Variants in ZNF48 observed in about 807,000 individuals in gnomAD.
The protein encoded by ZNF48 is zinc finger protein 48.
In ZNF48, 20 loss-of-function variants were observed where a neutral mutation model predicts 40.0. That is an observed-to-expected ratio of 0.50 (90% CI 0.35 to 0.73). The LOEUF (loss-of-function observed/expected upper bound fraction) is 0.73, where lower values mean the gene tolerates loss of function less well. ZNF48 is among the 30% of genes least tolerant of loss of function. ZNF48 has a pLI of 0.01. For synonymous variants in ZNF48, 298 were observed against 329.7 expected (o/e 0.90, Z 1.04); for missense variants, 726 against 851.9 (o/e 0.85, Z 1.84).
At chr16:30,387,539 G>C (rs983839185) in intron 1 of ZNF48, among the ~76,000 whole-genome samples, 2 of 149,624 alleles carry the variant, frequency 1.3e-5, no homozygotes, top group African/African-American at 4.9e-5. Flanking sequence ...TGGGGGACAA[G>C]AGTGAGACTT....
In ZNF48 at chr16:30,381,402, C is replaced by T. The variant is rs747998291; in HGVS notation, c.-16+2992C>T. ...GACTCGGGAGTCCTGGATGTTCTTC[C>T]GGTTCAGGCCACTCTCATCCCTAAG... On this transcript the variant is annotated intron_variant, in intron 1 of 2. Coordinates refer to the ZNF48 transcript ENST00000528032. The surrounding 1 kb of genome is among the most constrained non-coding windows in gnomAD (Gnocchi z 4.3). 3 of 1,613,794 alleles carry T rather than the reference C, an allele frequency of 1.9e-6. No homozygotes were observed. Among genetic ancestry groups the T allele is most frequent in the Non-Finnish European group, 2.5e-6 (3 of 1,179,922 alleles).
upstream of ZNF48, among the ~76,000 whole-genome samples, chr16:30,393,872 T>G (rs891397435): frequency 6.6e-6 from 1 of 152,054 alleles, no homozygotes; most frequent in Non-Finnish European, 1.5e-5. Flanking sequence ...TGTGCTACCA[T>G]GCGCTGCTAA....
At chr16:30,383,729 A>C (rs1025735752) in intron 1 of ZNF48, among the ~76,000 whole-genome samples, 5 of 152,188 alleles carry the variant, frequency 3.3e-5, no homozygotes, top group Non-Finnish European at 7.3e-5. Flanking sequence ...CCTGACTGCC[A>C]AAGCCTCCCT....
intron 1 of ZNF48, among the ~76,000 whole-genome samples, chr16:30,386,241 T>C (rs1297653802): frequency 6.6e-6 from 1 of 152,104 alleles, no homozygotes; most frequent in Middle Eastern, 3.2e-3. Context: ...GTGGTGTCAC[T>C]ACACTTTAGC....
At chr16:30,391,298 T>C (rs2049940976), upstream of ZNF48, among the ~76,000 whole-genome samples, 1 of 152,048 alleles carries the variant, frequency 6.6e-6, no homozygotes, top group South Asian at 2.1e-4. Context: ...CAAATGATTC[T>C]CCTGCCTCAG....
At position 30,398,695 on chromosome 16, in the gene ZNF48, C is replaced by G; in HGVS notation, c.1445C>G (p.Pro482Arg). 1.2e-6 allele frequency: 2 copies of G among 1,613,722 alleles called. No individual in the cohort carries two copies. The highest frequency in any genetic ancestry group is 1.7e-6 in the Non-Finnish European group (2 of 1,179,918). ...ACAGGGGAGAAACCCTACCTCTGTC[C>G]TGAATGCGGCAAGGGTTTTGCTGAC... ...VHTGEKPYLC[P>R]ECGKGFADSS... Residue 482 changes from proline (P) to arginine (R), a missense_variant, in exon 3 of 3, where the codon CCT becomes CGT. Physicochemically the swap from Pro to Arg is moderately radical, Grantham distance 103 (BLOSUM62 -2). Transcript: ENST00000613509. This position sits in a 1 kb window ranked among gnomAD's most constrained non-coding sequence, Gnocchi z 6.6.
rs749553987 is a variant in ZNF48, at chr16:30,398,541, C to T, written c.1291C>T (p.Pro431Ser). Residue 431 changes from proline (P) to serine (S), a missense_variant, in exon 3 of 3, where the codon CCA becomes TCA. By Grantham distance (74) the Pro-to-Ser change is moderately conservative (BLOSUM62 -1). This residue lies in a region of ZNF48 where 378 missense variants were observed against 449.1 expected (regional missense o/e 0.84). Transcript: ENST00000613509. This position sits in a 1 kb window ranked among gnomAD's most constrained non-coding sequence, Gnocchi z 6.6. ...GCCTTTTGGCCTGCCTGGCTTGGAG[C>T]CAGAGCCTGGGGGCCCACAGGCTGG... Reference protein sequence around the residue: ...GEPFGLPGLEPEPGGPQAGEP... With the variant: ...GEPFGLPGLESEPGGPQAGEP... The T allele has an allele frequency of 7.5e-6, 12 of 1,606,912 alleles. No homozygotes were observed. The highest frequency in any genetic ancestry group is 1.7e-5 in the Admixed American group (1 of 59,522).
chr16:30,395,572 C>A lies in ZNF48; in HGVS notation c.-22C>A, dbSNP rs529195821. 1.7e-3 allele frequency: 398 copies of A among 234,388 alleles called. 3 individuals carry two copies. The highest frequency in any genetic ancestry group is 8.8e-3 in the African/African-American group (374 of 42,678). 14.5% of individuals were successfully genotyped at this position (234,388 alleles called of 1,614,324 possible). ...CCGGGGTGGCGGAGCCGGAGGCGGC[C>A]GGCAAGGTGAGAGCGGCGGCTGCGC... On this transcript the variant is annotated 5_prime_UTR_variant, in exon 1 of 3. Coordinates refer to ENST00000613509, the MANE Select transcript of ZNF48 (RefSeq NM_001214909.2). The surrounding 1 kb of genome is among the most constrained non-coding windows in gnomAD (Gnocchi z 5.9).
upstream of ZNF48, among the ~76,000 whole-genome samples, chr16:30,393,812 C>A (rs1346549253): frequency 2.0e-5 from 3 of 150,628 alleles, no homozygotes; most frequent in African/African-American, 7.3e-5. Context: ...ACCTCCTGGG[C>A]TCAGGTGATC....
chr16:30,382,851 G>A lies in ZNF48; in HGVS notation c.-16+4441G>A, dbSNP rs531429449. ...GAAGTGGCTCCCTTTGTTAGCAGGG[G>A]AGATGAAGGTTTTGATGAGCTGATT... On this transcript the variant is annotated intron_variant, in intron 1 of 2. Coordinates refer to the ZNF48 transcript ENST00000528032. This position sits in a 1 kb window ranked among gnomAD's most constrained non-coding sequence, Gnocchi z 4.8. 12 of 1,431,648 alleles carry A rather than the reference G, an allele frequency of 8.4e-6. No individual in the cohort carries two copies. Among genetic ancestry groups the A allele is most frequent in the East Asian group, 4.9e-5 (2 of 40,432 alleles). 88.7% of individuals were successfully genotyped at this position (1,431,648 alleles called of 1,614,324 possible).
chr16:30,388,280 C>G (rs946895298), intron 1 of ZNF48, among the ~76,000 whole-genome samples: 1 of 152,074 alleles, frequency 6.6e-6, no homozygotes, highest in African/African-American at 2.4e-5. Flanking sequence ...GGCCTGTTCT[C>G]TACATCTTTC....
rs1005041805 is a variant in ZNF48, at chr16:30,397,379, C to T, written c.129C>T (p.Thr43=). 6.2e-7 allele frequency: 1 copy of T among 1,613,942 alleles called. No homozygotes were observed. The highest frequency in any genetic ancestry group is 8.5e-7 in the Non-Finnish European group (1 of 1,179,956). ...CTCAGCCGAATGAGTTTGAACATAC[C>T]CCACAGGAAGATGACTTGGGGTTCA... is the stretch of plus-strand genomic sequence containing the variant. ...VISQPNEFEH[T]PQEDDLGFKE... Residue 43 remains threonine, a synonymous_variant, in exon 3 of 3, where the codon ACC becomes ACT. Coordinates refer to ENST00000613509, the MANE Select transcript of ZNF48 (RefSeq NM_001214909.2). The surrounding 1 kb of genome is among the most constrained non-coding windows in gnomAD (Gnocchi z 4.1).
Position 30,398,866 on chromosome 16 carries a change from C to T in ZNF48, c.1616C>T (p.Pro539Leu). ...CGAGTTCGGGCCCAGCCTTCTGGAC[C>T]CAGCCAGCCCCACGTGTGTGGCTTC... is the stretch of plus-strand genomic sequence containing the variant. Reference protein sequence around the residue: ...RPRVRAQPSGPSQPHVCGFCG... With the variant: ...RPRVRAQPSGLSQPHVCGFCG... Residue 539 changes from proline to leucine, a missense_variant, in exon 3 of 3, where the codon CCC (proline) becomes CTC (leucine). Around this residue, in one of 5 missense-constraint regions of ZNF48, gnomAD observed 166 missense variants for 163.6 expected, o/e 1.01. Coordinates refer to ENST00000613509, the MANE Select transcript of ZNF48 (RefSeq NM_001214909.2). This position sits in a 1 kb window ranked among gnomAD's most constrained non-coding sequence, Gnocchi z 6.6. 1 of 1,613,952 alleles carries T rather than the reference C, an allele frequency of 6.2e-7. No individual in the cohort carries two copies. Among genetic ancestry groups the T allele is most frequent in the Non-Finnish European group, 8.5e-7 (1 of 1,179,988 alleles).
chr16:30,379,930 A>T (rs1227558202), intron 1 of ZNF48: 4 of 1,485,582 alleles, frequency 2.7e-6, no homozygotes, highest in Non-Finnish European at 3.8e-6. Flanking sequence ...TGTTTCCCAC[A>T]CCTTCATCTC....
At chr16:30,386,939 CTTTT>C (rs1173887858) in intron 1 of ZNF48, among the ~76,000 whole-genome samples, 5 of 107,614 alleles carry the variant, frequency 4.6e-5, no homozygotes, top group African/African-American at 1.0e-4. Flanking sequence ...TGCACCTGGC[CTTTT>C]TTTTTTTTTT....
Position 30,397,300 on chromosome 16 carries a change from A to T in ZNF48, c.80-30A>T. 1 of 1,572,384 alleles carries T rather than the reference A, an allele frequency of 6.4e-7. No homozygotes were observed. The highest frequency in any genetic ancestry group is 1.2e-5 in the South Asian group (1 of 84,012). On this transcript the variant is annotated intron_variant, in intron 2 of 2. Coordinates refer to ENST00000613509, the MANE Select transcript of ZNF48 (RefSeq NM_001214909.2). This position sits in a 1 kb window ranked among gnomAD's most constrained non-coding sequence, Gnocchi z 4.1. Reference sequence around the variant, plus strand: ...AAAGATAAGTACCGAGCCAAAGGGGAGGGTCTACAACTTCCTTTTCTTTCC... The same window carrying T: ...AAAGATAAGTACCGAGCCAAAGGGGTGGGTCTACAACTTCCTTTTCTTTCC...
rs747252046 is a variant in ZNF48, at chr16:30,398,002, TG to T, written c.754del (p.Val252CysfsTer40). The stretch of plus-strand genomic sequence containing the variant: ...CGGGGGGAGCAGCCCCCCCGACCAG[TG>T]GTGCCCCGACGGCAGCCATCTCGGG... ...THRGEQPPRPVVPRRQPSRAA... is the reference protein window; with the variant it reads ...THRGEQPPRPXVPRRQPSRAA... On this transcript the variant is annotated frameshift_variant, in exon 3 of 3. Coordinates refer to ENST00000613509, the MANE Select transcript of ZNF48 (RefSeq NM_001214909.2). LOFTEE classifies it high-confidence loss of function. This position sits in a 1 kb window ranked among gnomAD's most constrained non-coding sequence, Gnocchi z 6.6. 6.2e-7 allele frequency: 1 copy of T among 1,613,226 alleles called. No homozygotes were observed. Among genetic ancestry groups the T allele is most frequent in the Non-Finnish European group, 8.5e-7 (1 of 1,179,654 alleles).
intron 1 of ZNF48, chr16:30,378,727 AAT>A: frequency 6.3e-6 from 10 of 1,596,560 alleles, no homozygotes; most frequent in Non-Finnish European, 8.5e-6. Flanking sequence ...AGGGGACAGG[AAT>A]CAGGAGCGGG....
chr16:30,397,230 G>A lies in ZNF48; in HGVS notation c.80-100G>A, dbSNP rs1194755117. The A allele has an allele frequency of 9.9e-6, 11 of 1,108,460 alleles. No individual in the cohort carries two copies. The highest frequency in any genetic ancestry group is 2.4e-5 in the East Asian group (1 of 41,984). The allele number at this position is 1,108,460 out of a possible 1,614,324, so 68.7% of individuals were successfully genotyped here. On this transcript the variant is annotated intron_variant, in intron 2 of 2. Coordinates refer to ENST00000613509, the MANE Select transcript of ZNF48 (RefSeq NM_001214909.2). The surrounding 1 kb of genome is among the most constrained non-coding windows in gnomAD (Gnocchi z 4.1). ...AGAGGACAGAGAGATTGGGGTTCCT[G>A]TGACCACAGATTGTCAAGGGAGTCT...
Sources: gnomAD v4.1 joint callset for allele counts (sites outside exome capture counted in the v4.1 genomes callset) on GRCh38, gnomAD v4.1.1 for gene constraint, gnomAD v4.1.1 regional missense constraint, Gnocchi (gnomAD v3.1) non-coding constraint, MANE v1.5 for transcripts, NCBI Gene and HGNC (gene_info 2026-07-23, HGNC 2026-07-21) for gene names.